The following TTC7B variants were observed in gnomAD, a reference collection of about 807,000 sequenced individuals.
TTC7B encodes the protein tetratricopeptide repeat domain 7B, also known as tetratricopeptide repeat protein 7B.
TTC7B carries 28 observed loss-of-function variants against 106.8 expected under a neutral mutation model. The ratio of observed to expected loss-of-function variants is 0.26; its 90% CI spans 0.19 to 0.36. The LOEUF (loss-of-function observed/expected upper bound fraction) is 0.36. Ranked by LOEUF, TTC7B falls within the 10% of genes least tolerant of loss-of-function variation. The pLI is 1.00. For missense variants in TTC7B, 862 were observed against 1,076.4 expected (o/e 0.80, Z 2.79); for synonymous variants, 405 against 430.6 (o/e 0.94, Z 0.74).
In TTC7B at chr14:90,687,598, G is replaced by A. The variant is rs562448943; in HGVS notation, c.950+1942C>T. Among the ~76,000 whole-genome samples the A allele has an allele frequency of 2.0e-5, 3 of 152,324 alleles. No individual in the cohort carries two copies. In the South Asian group the frequency reaches 6.2e-4, roughly 32 times the overall value. ...ATCTAAAGCAGGGGAAAACTTTAGA[G>A]TCTATTTTTATGATATAAATATCAC... On this transcript the variant is annotated intron_variant, in intron 7 of 19. Coordinates refer to ENST00000328459, the MANE Select transcript of TTC7B (RefSeq NM_001010854.2).
In TTC7B at chr14:90,816,180, G is replaced by A. The variant is rs756463247; in HGVS notation, c.116C>T (p.Ala39Val). Residue 39 changes from alanine to valine, a missense_variant, in exon 1 of 20, where the codon GCC (alanine) becomes GTC (valine). By Grantham distance (64) the Ala-to-Val change is moderately conservative. Coordinates refer to ENST00000328459, the MANE Select transcript of TTC7B (RefSeq NM_001010854.2). ...CCGGCGCGCCCGGAGCGTACCGTTG[G>A]CGATGAGCTTGGCCGACAGCTGCTT... is the stretch of plus-strand genomic sequence containing the variant. ...LVKQLSAKLI[A>V]NDDMAELLLG... 1 of 1,248,384 alleles carries A rather than the reference G, an allele frequency of 8.0e-7. No individual in the cohort carries two copies. The allele number at this position is 1,248,384 out of a possible 1,614,324, so 77.3% of individuals were successfully genotyped here.
At chr14:90,720,902 C>T (rs536414033) in intron 5 of TTC7B, among the ~76,000 whole-genome samples, 50 of 152,126 alleles carry the variant, frequency 3.3e-4, no homozygotes, top group Non-Finnish European at 5.9e-4. Context: ...GTTCCTGACA[C>T]GTAAATATTT....
intron 3 of TTC7B, among the ~76,000 whole-genome samples, chr14:90,765,614 C>T (rs186406716): frequency 1.4e-4 from 22 of 152,236 alleles, no homozygotes; most frequent in Non-Finnish European, 2.4e-4. Flanking sequence ...TTTTGGAACT[C>T]CAGGGTCTCT....
At chr14:90,646,191 G>C (rs531859832) in intron 14 of TTC7B, among the ~76,000 whole-genome samples, 10 of 152,318 alleles carry the variant, frequency 6.6e-5, no homozygotes, top group African/African-American at 2.4e-4. Flanking sequence ...CCTGCCAGGG[G>C]AATGGCATGT....
chr14:90,779,397 G>A (rs558233364), intron 3 of TTC7B, among the ~76,000 whole-genome samples: 13 of 152,076 alleles, frequency 8.5e-5, no homozygotes, highest in East Asian at 3.9e-4. Flanking sequence ...TCTGCCTCCC[G>A]GGTTTCCAGC....
At chr14:90,697,920 C>T (rs940806207) in intron 5 of TTC7B, 9 of 152,202 alleles carry the variant, frequency 5.9e-5, no homozygotes, top group African/African-American at 2.2e-4. Context: ...GTTTAAGATT[C>T]AGAAGCAAAT....
intron 3 of TTC7B, among the ~76,000 whole-genome samples, chr14:90,777,173 GA>G (rs1175382943): frequency 1.3e-5 from 2 of 152,210 alleles, no homozygotes; most frequent in African/African-American, 4.8e-5. Context: ...CTGGGAAGCG[GA>G]GGTTGCAGTG....
Position 90,671,398 on chromosome 14 carries a change from G to A in TTC7B, c.1152+5125C>T, listed in dbSNP as rs1339699262. 2.6e-5 allele frequency among the ~76,000 whole-genome samples: 4 copies of A among 152,166 alleles called. No homozygotes were observed. The East Asian group carries it at 7.7e-4, about 29-fold the overall frequency. On this transcript the variant is annotated intron_variant, in intron 9 of 19. Transcript: ENST00000328459. ...CCATTCCTGTCTTTAAAGCTGCCTT[G>A]CCTATGGAGGGGGGACACACACAAC...
chr14:90,713,559 G>C (rs889534294), intron 5 of TTC7B, among the ~76,000 whole-genome samples: 1 of 152,146 alleles, frequency 6.6e-6, no homozygotes, highest in African/African-American at 2.4e-5. Flanking sequence ...ACAATGCCAA[G>C]AGCTAAAGAG....
At chr14:90,555,647 T>C (rs891232702) in intron 19 of TTC7B, among the ~76,000 whole-genome samples, 2 of 152,174 alleles carry the variant, frequency 1.3e-5, no homozygotes, top group Non-Finnish European at 2.9e-5. Flanking sequence ...TCCTTTTCCT[T>C]GCCCTTGGGA....
chr14:90,688,118 G>C (rs1887318338), intron 7 of TTC7B, among the ~76,000 whole-genome samples: 1 of 152,194 alleles, frequency 6.6e-6, no homozygotes, highest in Non-Finnish European at 1.5e-5. Flanking sequence ...ACATGGAAAA[G>C]GTCTTCAATA....
intron 15 of TTC7B, among the ~76,000 whole-genome samples, chr14:90,629,374 C>T (rs1195250308): frequency 6.6e-6 from 1 of 152,098 alleles, no homozygotes; most frequent in East Asian, 1.9e-4. Context: ...CAGCAAGCAC[C>T]TTATACCGCC....
intron 5 of TTC7B, among the ~76,000 whole-genome samples, chr14:90,723,224 T>C (rs544190805): frequency 7.2e-5 from 11 of 152,332 alleles, no homozygotes; most frequent in African/African-American, 2.6e-4. Context: ...CCTTACCCTC[T>C]GTCCCCCAAA....
At chr14:90,713,185 G>A (rs549744247) in intron 5 of TTC7B, among the ~76,000 whole-genome samples, 7 of 152,140 alleles carry the variant, frequency 4.6e-5, no homozygotes, top group South Asian at 2.1e-4. Flanking sequence ...GAGCAATCTC[G>A]GCTCACTGCA....
At chr14:90,567,885 G>A (rs867227243) in intron 19 of TTC7B, among the ~76,000 whole-genome samples, 4 of 152,170 alleles carry the variant, frequency 2.6e-5, no homozygotes, top group Middle Eastern at 3.2e-3. Context: ...ACTCAGCCTC[G>A]ATGCTGGGAG....
intron 3 of TTC7B, among the ~76,000 whole-genome samples, chr14:90,751,538 G>A (rs1890135090): frequency 6.6e-6 from 1 of 151,940 alleles, no homozygotes; most frequent in Admixed American, 6.6e-5. Context: ...TGGGACTACA[G>A]GTGCATGCCA....
chr14:90,682,623 CAG>C (rs779607024), intron 7 of TTC7B, among the ~76,000 whole-genome samples: 4 of 152,128 alleles, frequency 2.6e-5, no homozygotes, highest in Non-Finnish European at 5.9e-5. Context: ...CCACGAGCCT[CAG>C]GGGGAGATAC....
At chr14:90,625,683 G>A (rs1032991843) in intron 15 of TTC7B, among the ~76,000 whole-genome samples, 24 of 152,174 alleles carry the variant, frequency 1.6e-4, no homozygotes, top group Admixed American at 3.9e-4. Context: ...CAGCTGGAAG[G>A]GATGAGAAAG....
intron 4 of TTC7B, among the ~76,000 whole-genome samples, chr14:90,731,027 G>T (rs923899485): frequency 6.6e-6 from 1 of 152,034 alleles, no homozygotes; most frequent in South Asian, 2.1e-4. Context: ...CTCACTGCAC[G>T]CTCCGCCTCC....
Sources: allele counts gnomAD v4.1 joint callset (sites outside exome capture counted in the v4.1 genomes callset), GRCh38; gene constraint gnomAD v4.1.1; transcripts MANE v1.5; gene names NCBI Gene and HGNC (gene_info 2026-07-23, HGNC 2026-07-21).